ADAMTSL1: variants seen among roughly 807,000 people sequenced by gnomAD.
The protein encoded by ADAMTSL1 is ADAMTS-like protein 1.
In ADAMTSL1, 126 loss-of-function variants were observed where a neutral mutation model predicts 201.8. That is an observed-to-expected ratio of 0.62 (90% confidence interval 0.54 to 0.72). ADAMTSL1 has a LOEUF of 0.72. Among genes scored for constraint, ADAMTSL1 ranks in the 30% least tolerant of loss-of-function variants. The pLI is 0.00. For synonymous variants in ADAMTSL1, 1,121 were observed against 903.4 expected (o/e 1.24, Z -4.32); for missense variants, 2,679 against 2,277.8 (o/e 1.18, Z -3.59).
intron 10 of ADAMTSL1, among the ~76,000 whole-genome samples, chr9:18,676,415 T>A (rs568541180): frequency 3.0e-4 from 46 of 152,268 alleles, no homozygotes; most frequent in Admixed American, 7.2e-4. Context: ...TTTTTAATAT[T>A]CTTATTGTTC....
intron 2 of ADAMTSL1, among the ~76,000 whole-genome samples, chr9:18,231,697 A>G (rs934416575): frequency 1.3e-5 from 2 of 152,196 alleles, no homozygotes; most frequent in African/African-American, 4.8e-5. Flanking sequence ...TGATAGCTCC[A>G]CTTGGATGTC....
At chr9:18,554,713 TA>T (rs1232391617) in intron 3 of ADAMTSL1, among the ~76,000 whole-genome samples, 5 of 151,476 alleles carry the variant, frequency 3.3e-5, no homozygotes, top group African/African-American at 1.2e-4. Flanking sequence ...TATCTCATTT[TA>T]TTTTTTTTTT....
intron 20 of ADAMTSL1, among the ~76,000 whole-genome samples, chr9:18,803,908 A>G (rs1336716665): frequency 6.6e-6 from 1 of 152,188 alleles, no homozygotes; most frequent in Non-Finnish European, 1.5e-5. Context: ...TCCAACAAAA[A>G]CAATGTAATA....
In ADAMTSL1 at chr9:18,634,488, G is replaced by A. The variant is rs1004276393; in HGVS notation, c.602-1455G>A. Among the ~76,000 whole-genome samples the A allele has an allele frequency of 9.9e-5, 15 of 151,872 alleles. No homozygotes were observed. In the East Asian group the frequency reaches 1.4e-3, roughly 14 times the overall value. The stretch of plus-strand genomic sequence containing the variant: ...TGAAGTAGGAGGATCTCTTGAGCCC[G>A]GGAAGCTAAGGCTGCAGTGAGCTGT... On this transcript the variant is annotated intron_variant, in intron 5 of 28. Coordinates refer to ENST00000380548, the MANE Select transcript of ADAMTSL1 (RefSeq NM_001040272.6).
chr9:18,554,914 G>T (rs934210800), intron 3 of ADAMTSL1, among the ~76,000 whole-genome samples: 1 of 148,972 alleles, frequency 6.7e-6, no homozygotes, highest in Non-Finnish European at 1.5e-5. Context: ...GTTTACTCTT[G>T]TGTTGTACAT....
chr9:18,229,873 T>A (rs1830581504), intron 2 of ADAMTSL1, among the ~76,000 whole-genome samples: 1 of 152,030 alleles, frequency 6.6e-6, no homozygotes, highest in South Asian at 2.1e-4. Flanking sequence ...TTTTTTGTAT[T>A]TTTAGTAGAG....
chr9:17,970,447 T>G (rs536000101), intron 1 of ADAMTSL1, among the ~76,000 whole-genome samples: 1 of 152,062 alleles, frequency 6.6e-6, no homozygotes, highest in East Asian at 1.9e-4. Flanking sequence ...AGCACTTGGG[T>G]GTGGAGTACA....
intron 1 of ADAMTSL1, among the ~76,000 whole-genome samples, chr9:17,961,212 C>T (rs1817742774): frequency 6.6e-6 from 1 of 151,922 alleles, no homozygotes. Flanking sequence ...GTTTTTTCAC[C>T]TAATGGGTAC....
At chr9:18,064,818 C>A (rs1822619023) in intron 1 of ADAMTSL1, among the ~76,000 whole-genome samples, 1 of 151,658 alleles carries the variant, frequency 6.6e-6, no homozygotes, top group Middle Eastern at 3.2e-3. Context: ...ATAGATATTA[C>A]ATATGCTAAT....
intron 9 of ADAMTSL1, among the ~76,000 whole-genome samples, chr9:18,670,620 T>G (rs932517553): frequency 2.6e-5 from 4 of 152,254 alleles, no homozygotes; most frequent in African/African-American, 9.6e-5. Context: ...AAACTTGTTT[T>G]TGCTTTTTTG....
At chr9:17,989,751 A>G (rs1295526443) in intron 1 of ADAMTSL1, among the ~76,000 whole-genome samples, 2 of 152,008 alleles carry the variant, frequency 1.3e-5, no homozygotes, top group Admixed American at 6.6e-5. Flanking sequence ...GTTTATTTCT[A>G]GAAATGGTAG....
intron 15 of ADAMTSL1, chr9:18,722,934 C>T (rs1817632354): frequency 3.3e-5 from 24 of 730,738 alleles, no homozygotes; most frequent in South Asian, 2.9e-4. Flanking sequence ...GTCCTAACTT[C>T]GCAGCTCTCT....
At chr9:18,827,162 T>TA (rs5896812) in intron 22 of ADAMTSL1, among the ~76,000 whole-genome samples, 107,564 of 143,006 alleles carry the variant, frequency 0.75, 40,974 homozygotes, top group East Asian at 0.9. Flanking sequence ...GAGATAAAGT[T>TA]AAAAAAAAAA....
rs142512540 is a variant in ADAMTSL1, at chr9:18,635,811, G to T, written c.602-132G>T. On this transcript the variant is annotated intron_variant, in intron 5 of 28. Coordinates refer to ENST00000380548, the MANE Select transcript of ADAMTSL1 (RefSeq NM_001040272.6). ...GTGAAAATGTTGATTTCTAAATATT[G>T]GCCTTCACATTTCAAACACTTAAAA... 275 of 665,492 alleles carry T rather than the reference G, an allele frequency of 4.1e-4. No homozygotes were observed. The African/African-American group carries it at 4.5e-3, about 11-fold the overall frequency. 41.2% of individuals were successfully genotyped at this position (665,492 alleles called of 1,614,324 possible). A position where few individuals can be genotyped will look rare whatever the true frequency, so the allele number is the denominator to read the frequency against.
chr9:18,770,660 T>A lies in ADAMTSL1; in HGVS notation c.2276T>A (p.Met759Lys). 2 of 1,613,706 alleles carry A rather than the reference T, an allele frequency of 1.2e-6. No individual in the cohort carries two copies. The highest frequency in any genetic ancestry group is 4.5e-5 in the East Asian group (2 of 44,868). The change falls in exon 17 of 29, where the codon ATG (methionine) becomes AAG (lysine). Residue 759 changes from methionine to lysine, a missense_variant. Physicochemically the swap from Met to Lys is moderately conservative, Grantham distance 95. Transcript: ENST00000380548. Reference sequence around the variant, plus strand: ...CGTGAGGTTCTTTGCAAGCAGCGCATGGCTGATGGCAGCTTCCTGGAGCTT... The same window carrying A: ...CGTGAGGTTCTTTGCAAGCAGCGCAAGGCTGATGGCAGCTTCCTGGAGCTT... ...QKREVLCKQRMADGSFLELPE... is the reference protein window; with the variant it reads ...QKREVLCKQRKADGSFLELPE...
In ADAMTSL1 at chr9:18,512,230, T is replaced by C. The variant is rs115151724; in HGVS notation, c.191+7274T>C. On this transcript the variant is annotated intron_variant, in intron 2 of 28. Coordinates refer to ENST00000380548, the MANE Select transcript of ADAMTSL1 (RefSeq NM_001040272.6). Reference sequence around the variant, plus strand: ...TTCTAATATTTCAGGTCATATATCTTAGGGGGGTGTATTGTTCCAAGATCT... The same window carrying C: ...TTCTAATATTTCAGGTCATATATCTCAGGGGGGTGTATTGTTCCAAGATCT... 2.0e-3 allele frequency among the ~76,000 whole-genome samples: 309 copies of C among 152,250 alleles called. 1 individual carries two copies. The highest frequency in any genetic ancestry group is 6.4e-3 in the African/African-American group (265 of 41,562).
intron 2 of ADAMTSL1, among the ~76,000 whole-genome samples, chr9:18,285,443 T>A (rs1485951653): frequency 6.6e-6 from 1 of 152,126 alleles, no homozygotes; most frequent in Non-Finnish European, 1.5e-5. Context: ...AATATTATAC[T>A]CTATAGTGAT....
intron 2 of ADAMTSL1, among the ~76,000 whole-genome samples, chr9:18,419,182 A>G (rs1447798097): frequency 6.6e-6 from 1 of 152,212 alleles, no homozygotes; most frequent in African/African-American, 2.4e-5. Context: ...CTTATACCTT[A>G]TGCAAAAATT....
At chr9:18,070,031 G>C (rs905967915) in intron 1 of ADAMTSL1, among the ~76,000 whole-genome samples, 1 of 152,200 alleles carries the variant, frequency 6.6e-6, no homozygotes, top group Non-Finnish European at 1.5e-5. Flanking sequence ...GTCTGCATGA[G>C]ATCTAGAGTA....
Sources: gnomAD v4.1 joint callset for allele counts (sites outside exome capture counted in the v4.1 genomes callset) on GRCh38, gnomAD v4.1.1 for gene constraint, MANE v1.5 for transcripts, NCBI Gene and HGNC (gene_info 2026-07-23, HGNC 2026-07-21) for gene names.